Variants in CYREN observed in about 807,000 individuals in gnomAD.
CYREN encodes the protein cell cycle regulator of non-homologous end joining.
Under a neutral mutation model 9.7 loss-of-function variants are expected in CYREN, and 7 were observed. The observed-to-expected ratio is 0.72, with a 90% CI of 0.41 to 1.36. The LOEUF (loss-of-function observed/expected upper bound fraction) is 1.36, where lower values mean the gene tolerates loss of function less well. Ranked by LOEUF, CYREN falls within the 40% of genes most tolerant of loss-of-function variation. CYREN has a pLI of 0.01. For synonymous variants in CYREN, 76 were observed against 77.9 expected, an observed-to-expected ratio of 0.98 and a Z score of 0.13; for missense variants, 215 against 198.1, an observed-to-expected ratio of 1.09 and a Z score of -0.51.
At chr7:135,170,973 G>T (rs76510925), upstream of CYREN, among the ~76,000 whole-genome samples, 38 of 152,034 alleles carry the variant, frequency 2.5e-4, no homozygotes, top group Admixed American at 7.2e-4. Context: ...TTCAATTCTT[G>T]GCCCCTGAAG....
At chr7:135,147,666 G>T (rs1011398369) in intron 2 of CYREN, 4 of 418,550 alleles carry the variant, frequency 9.6e-6, no homozygotes, top group Non-Finnish European at 1.9e-5. Context: ...CTCTAAAAGG[G>T]GTTGGGGGAC....
At chr7:135,132,739 CCATGTAAGA>C (rs1401435427) in intron 2 of CYREN, among the ~76,000 whole-genome samples, 1 of 152,168 alleles carries the variant, frequency 6.6e-6, no homozygotes, top group African/African-American at 2.4e-5. Context: ...TTGCGTGCCA[CCATGTAAGA>C]CATGACTTTG....
chr7:135,165,023 C>G (rs755157807), downstream of CYREN: 18 of 1,541,282 alleles, frequency 1.2e-5, no homozygotes, highest in Non-Finnish European at 1.5e-5. Context: ...TGCAAGGGTT[C>G]AGTTCCAACC....
At chr7:135,170,761 C>T (rs1193112979), upstream of CYREN, 1 of 152,284 alleles carries the variant, frequency 6.6e-6, no homozygotes, top group Admixed American at 6.5e-5. Context: ...GGCTCCCGGC[C>T]TCGGGACACT....
At chr7:135,111,416 C>T (rs563450494) in intron 2 of CYREN, among the ~76,000 whole-genome samples, 4 of 152,276 alleles carry the variant, frequency 2.6e-5, no homozygotes, top group Non-Finnish European at 5.9e-5. Flanking sequence ...ACTAACTTCT[C>T]TACTGGTGAT....
intron 2 of CYREN, among the ~76,000 whole-genome samples, chr7:135,118,483 C>T (rs986040815): frequency 7.2e-5 from 11 of 152,138 alleles, no homozygotes; most frequent in African/African-American, 2.7e-4. Context: ...CCTGGACTTC[C>T]ACTTCCATCT....
chr7:135,121,698 A>G (rs1236701764), intron 2 of CYREN, among the ~76,000 whole-genome samples: 2 of 152,176 alleles, frequency 1.3e-5, no homozygotes, highest in African/African-American at 4.8e-5. Flanking sequence ...GAACTATAAT[A>G]AGCAAGGTAT....
At chr7:135,133,067 G>GCACACA (rs55861736) in intron 2 of CYREN, among the ~76,000 whole-genome samples, 28 of 150,432 alleles carry the variant, frequency 1.9e-4, no homozygotes, top group African/African-American at 6.3e-4. Flanking sequence ...ACGCATGCGT[G>GCACACA]CACACACACA....
chr7:135,147,995 T>C (rs1829581857), intron 2 of CYREN: 1 of 455,926 alleles, frequency 2.2e-6, no homozygotes, highest in Admixed American at 2.4e-5. Flanking sequence ...TGAAAAGTCA[T>C]GGGCCACTGG....
At chr7:135,102,038 C>T (rs1468712320) in intron 2 of CYREN, among the ~76,000 whole-genome samples, 4 of 152,208 alleles carry the variant, frequency 2.6e-5, no homozygotes, top group African/African-American at 9.6e-5. Context: ...GATCGTGAGG[C>T]CTCCCTAGCC....
At chr7:135,167,902 T>C in intron 2 of CYREN, 95 bp from the exon 3 acceptor site, 1 of 1,580,476 alleles carries the variant, frequency 6.3e-7, no homozygotes, top group Non-Finnish European at 8.6e-7. Flanking sequence ...CCCCCTGCCT[T>C]CCTACCACGC....
At chr7:135,168,671 T>G in intron 2 of CYREN, 115 bp downstream of exon 2, 3 of 1,449,404 alleles carry the variant, frequency 2.1e-6, no homozygotes, top group Non-Finnish European at 2.8e-6. Context: ...ATGATCAGAC[T>G]GAAACACCCG....
intron 2 of CYREN, chr7:135,129,232 C>G: frequency 2.0e-6 from 3 of 1,473,700 alleles, no homozygotes; most frequent in Non-Finnish European, 1.9e-6. Context: ...ATGCAGGAGC[C>G]TGGCTACATC....
At chr7:135,105,344 A>G (rs1023944388) in intron 2 of CYREN, among the ~76,000 whole-genome samples, 1 of 152,170 alleles carries the variant, frequency 6.6e-6, no homozygotes, top group Non-Finnish European at 1.5e-5. Flanking sequence ...TGCTGGGATT[A>G]CAGGCATAGG....
At chr7:135,094,249 AAAAAGCTGAACAAACT>A (rs1457451350) in exon 3 of CYREN, 1 of 386,290 alleles carries the variant, frequency 2.6e-6, no homozygotes, top group Non-Finnish European at 5.1e-6. Context: ...TACAACAACA[AAAAAGCTGAACAAACT>A]AAAAATCAGC....
intron 2 of CYREN, chr7:135,128,321 GA>G (rs1188974707): frequency 4.4e-4 from 33 of 74,518 alleles, no homozygotes; most frequent in African/African-American, 8.5e-4. Context: ...AAAAAAAAAC[GA>G]AAAAAAAAAA....
In CYREN at chr7:135,129,508, T is replaced by C. The variant is rs141075179; in HGVS notation, n.357-34926A>G. The C allele has an allele frequency of 1.1e-3, 834 of 772,454 alleles. 7 individuals are homozygous for C. In the East Asian group the frequency reaches 0.019, roughly 18 times the overall value. 47.8% of individuals were successfully genotyped at this position (772,454 alleles called of 1,614,324 possible). A position where few individuals can be genotyped will look rare whatever the true frequency, so the allele number is the denominator to read the frequency against. On this transcript the variant is annotated intron_variant and non_coding_transcript_variant, in intron 2 of 2. Transcript: ENST00000459937. ...TGTTGTGGAACTCCCATAGAGAAAT[T>C]AGATGGATATAACAAGATGACATGT...
At chr7:135,169,213 G>C (rs1830465482) in intron 1 of CYREN, 153 bp from the exon 2 acceptor site, 1 of 274,934 alleles carries the variant, frequency 3.6e-6, no homozygotes. Context: ...GGGCAGGACA[G>C]CAGCTCAGGA....
chr7:135,129,807 A>C (rs1262955109), intron 2 of CYREN: 4 of 515,150 alleles, frequency 7.8e-6, no homozygotes, highest in Non-Finnish European at 1.5e-5. Context: ...CCTGTGTAGA[A>C]GATATGGAAG....
Sources: gnomAD v4.1 joint callset for allele counts (sites outside exome capture counted in the v4.1 genomes callset) on GRCh38, gnomAD v4.1.1 for gene constraint, MANE v1.5 for transcripts, NCBI Gene and HGNC (gene_info 2026-07-23, HGNC 2026-07-21) for gene names.